Variants in SLC38A12 observed in about 807,000 individuals in gnomAD.
SLC38A12 encodes the protein solute carrier family 38 member 12.
the SLC38A12 span, among the ~76,000 whole-genome samples, chr17:74,791,678 C>T: frequency 6.6e-6 from 1 of 152,244 alleles, no homozygotes; most frequent in Non-Finnish European, 1.5e-5. Flanking sequence ...GGAGCCCACA[C>T]CCAGGCTTGC....
At chr17:74,799,413 C>T in the SLC38A12 span, among the ~76,000 whole-genome samples, 3 of 152,234 alleles carry the variant, frequency 2.0e-5, no homozygotes, top group African/African-American at 4.8e-5. Flanking sequence ...AGGACAAGGT[C>T]GCCCTGGCCT....
chr17:74,782,957 G>T, the SLC38A12 span, among the ~76,000 whole-genome samples: 2 of 152,040 alleles, frequency 1.3e-5, no homozygotes, highest in Non-Finnish European at 2.9e-5. Context: ...ATGGTGAAAC[G>T]CTGTCTCTAC....
the SLC38A12 span, among the ~76,000 whole-genome samples, chr17:74,796,262 G>A: frequency 6.6e-6 from 1 of 152,204 alleles, no homozygotes; most frequent in African/African-American, 2.4e-5. Context: ...TGCCTACTTT[G>A]GGGGCGGGAC....
At chr17:74,787,859 T>C in the SLC38A12 span, among the ~76,000 whole-genome samples, 1 of 151,126 alleles carries the variant, frequency 6.6e-6, no homozygotes, top group Non-Finnish European at 1.5e-5. Context: ...AGTGGCACGA[T>C]CTCGGCTCAC....
At chr17:74,819,712 C>T in the SLC38A12 span, 471 of 1,586,212 alleles carry the variant, frequency 3.0e-4, 4 homozygotes, top group South Asian at 3.0e-3. Flanking sequence ...TCTGCTGGTG[C>T]GGCCTGCACC....
the SLC38A12 span, among the ~76,000 whole-genome samples, chr17:74,806,174 G>GC: frequency 6.6e-6 from 1 of 152,158 alleles, no homozygotes; most frequent in Admixed American, 6.5e-5. Context: ...TTGCGACACA[G>GC]CCCACCTGTT....
At chr17:74,797,375 T>C in the SLC38A12 span, among the ~76,000 whole-genome samples, 7 of 152,114 alleles carry the variant, frequency 4.6e-5, no homozygotes, top group Admixed American at 4.6e-4. Context: ...GAGCTAATTG[T>C]CATCAGAGCC....
At chr17:74,829,298 AT>A in the SLC38A12 span, among the ~76,000 whole-genome samples, 1 of 152,030 alleles carries the variant, frequency 6.6e-6, no homozygotes, top group Non-Finnish European at 1.5e-5. This position sits in a 1 kb window ranked among gnomAD's most constrained non-coding sequence, Gnocchi z 4.1. Flanking sequence ...TAATTTTTGT[AT>A]TTTTAGTAAG....
the SLC38A12 span, among the ~76,000 whole-genome samples, chr17:74,806,629 T>G: frequency 1.1e-4 from 16 of 152,058 alleles, no homozygotes; most frequent in African/African-American, 2.9e-4. Flanking sequence ...CAGTCCCTAT[T>G]TTCTTCCTGC....
At chr17:74,802,020 C>A in the SLC38A12 span, among the ~76,000 whole-genome samples, 16 of 152,070 alleles carry the variant, frequency 1.1e-4, no homozygotes, top group African/African-American at 3.9e-4. Context: ...CCTGTCTGAG[C>A]ACGGCCCCTG....
chr17:74,788,569 C>T, the SLC38A12 span, among the ~76,000 whole-genome samples: 1 of 152,120 alleles, frequency 6.6e-6, no homozygotes, highest in Non-Finnish European at 1.5e-5. Context: ...TTAGTTCACA[C>T]CTCTCTCTCT....
chr17:74,781,013 A>G, the SLC38A12 span, among the ~76,000 whole-genome samples: 1 of 152,216 alleles, frequency 6.6e-6, no homozygotes, highest in Non-Finnish European at 1.5e-5. Context: ...GGCAGTGTCT[A>G]GAGACATTTT....
At chr17:74,814,777 G>A in the SLC38A12 span, among the ~76,000 whole-genome samples, 14 of 152,108 alleles carry the variant, frequency 9.2e-5, no homozygotes, top group African/African-American at 2.9e-4. Context: ...AGCATCCCAC[G>A]TTTGAGAGCC....
chr17:74,788,836 C>T, the SLC38A12 span: 16 of 1,613,440 alleles, frequency 9.9e-6, no homozygotes, highest in Middle Eastern at 1.2e-3. Context: ...GCAGCCAACG[C>T]GCAGCTCCAC....
At chr17:74,794,472 C>T in the SLC38A12 span, among the ~76,000 whole-genome samples, 1 of 152,246 alleles carries the variant, frequency 6.6e-6, no homozygotes, top group African/African-American at 2.4e-5. Flanking sequence ...TGGGATCAGT[C>T]AGATTCAGAA....
chr17:74,802,023 G>A, the SLC38A12 span, among the ~76,000 whole-genome samples: 10 of 152,010 alleles, frequency 6.6e-5, no homozygotes, highest in East Asian at 3.9e-4. Context: ...GTCTGAGCAC[G>A]GCCCCTGTCC....
chr17:74,838,301 A>G, the SLC38A12 span: 2 of 985,910 alleles, frequency 2.0e-6, no homozygotes, highest in South Asian at 9.4e-5. Flanking sequence ...TCCTCCCAGG[A>G]GGCCTCTCAG....
the SLC38A12 span, chr17:74,819,929 AGCCGTAGC>A: frequency 8.0e-7 from 1 of 1,247,036 alleles, no homozygotes; most frequent in Middle Eastern, 1.9e-4. Flanking sequence ...CAGGGCCCCC[AGCCGTAGC>A]TGGAGTGTGG....
At chr17:74,833,373 A>G in the SLC38A12 span, among the ~76,000 whole-genome samples, 28 of 152,364 alleles carry the variant, frequency 1.8e-4, no homozygotes, top group South Asian at 5.2e-3. Flanking sequence ...TGTTGGTGTC[A>G]AAGGTGCCTC....
Sources: allele counts gnomAD v4.1 joint callset (sites outside exome capture counted in the v4.1 genomes callset), GRCh38; gene constraint gnomAD v4.1.1; non-coding constraint Gnocchi (gnomAD v3.1); transcripts MANE v1.5; gene names NCBI Gene and HGNC (gene_info 2026-07-23, HGNC 2026-07-21).